Variants in DUSP29 observed in about 807,000 individuals in gnomAD.
The protein encoded by DUSP29 is atypical dual-specific protein phosphatase.
In DUSP29, 12 loss-of-function variants were observed where a neutral mutation model predicts 13.5. That is an observed-to-expected ratio of 0.89 (90% CI 0.57 to 1.44). The LOEUF (loss-of-function observed/expected upper bound fraction) is 1.44, where lower values mean the gene tolerates loss of function less well. Ranked by LOEUF, DUSP29 falls within the 40% of genes most tolerant of loss-of-function variation. DUSP29 has a pLI of 0.00. For synonymous variants in DUSP29, 134 were observed against 128.7 expected, an observed-to-expected ratio of 1.04 and a Z score of -0.28; for missense variants, 308 against 301.1, an observed-to-expected ratio of 1.02 and a Z score of -0.17.
chr10:75,060,866 A>C (rs946504350), intron 1 of DUSP29, among the ~76,000 whole-genome samples: 3 of 152,220 alleles, frequency 2.0e-5, no homozygotes, highest in Non-Finnish European at 4.4e-5. Context: ...GTTACGTTAT[A>C]CCACAGGGCC....
chr10:75,066,751 T>C (rs1269337795), intron 1 of DUSP29, among the ~76,000 whole-genome samples: 1 of 151,880 alleles, frequency 6.6e-6, no homozygotes, highest in East Asian at 1.9e-4. Context: ...TCCTTACATC[T>C]CTCCAGTGGC....
intron 2 of DUSP29, among the ~76,000 whole-genome samples, chr10:75,050,760 T>C (rs1161485073): frequency 6.6e-6 from 1 of 152,192 alleles, no homozygotes; most frequent in Non-Finnish European, 1.5e-5. Context: ...GGGGAGTGGG[T>C]GGCTACACCT....
chr10:75,072,432 C>T (rs981903465), intron 1 of DUSP29, among the ~76,000 whole-genome samples: 1 of 152,126 alleles, frequency 6.6e-6, no homozygotes, highest in African/African-American at 2.4e-5. Flanking sequence ...ACAAAGGAAC[C>T]TTTCCTGTTT....
At chr10:75,049,832 G>A (rs1846789502) in intron 2 of DUSP29, among the ~76,000 whole-genome samples, 1 of 152,160 alleles carries the variant, frequency 6.6e-6, no homozygotes, top group African/African-American at 2.4e-5. Context: ...TTCTGAGGCT[G>A]TGGGTCTGGT....
chr10:75,072,099 T>C (rs954673462), intron 1 of DUSP29, among the ~76,000 whole-genome samples: 1 of 152,078 alleles, frequency 6.6e-6, no homozygotes, highest in Non-Finnish European at 1.5e-5. Flanking sequence ...CAATAAAACC[T>C]TGCACTCTTC....
chr10:75,073,614 G>A lies in DUSP29; in HGVS notation c.-80C>T, dbSNP rs974229426. Among the ~76,000 whole-genome samples, 2 of 152,202 alleles carry A rather than the reference G, an allele frequency of 1.3e-5. No individual in the cohort carries two copies. Among genetic ancestry groups the A allele is most frequent in the Non-Finnish European group, 2.9e-5 (2 of 68,034 alleles). On this transcript the variant is annotated 5_prime_UTR_variant, in exon 1 of 4. Coordinates refer to ENST00000338487, the MANE Select transcript of DUSP29 (RefSeq NM_001003892.3). ...CCGCGTCGGGAGGTTCTGGTCCGTGGGGCATGTAGCAGCCGCACGCCCAGC... is the reference window on the plus strand; with the variant it reads ...CCGCGTCGGGAGGTTCTGGTCCGTGAGGCATGTAGCAGCCGCACGCCCAGC...
chr10:75,042,539 G>A (rs1846608077), intron 3 of DUSP29, among the ~76,000 whole-genome samples: 1 of 152,228 alleles, frequency 6.6e-6, no homozygotes, highest in African/African-American at 2.4e-5. Context: ...CTCATAAAAG[G>A]AAGGCCTGGA....
chr10:75,072,314 A>G (rs963929538), intron 1 of DUSP29, among the ~76,000 whole-genome samples: 1 of 152,166 alleles, frequency 6.6e-6, no homozygotes, highest in Admixed American at 6.5e-5. Flanking sequence ...AGACACTGCC[A>G]TGGGGTCAGA....
intron 2 of DUSP29, among the ~76,000 whole-genome samples, chr10:75,048,346 C>G (rs557473163): frequency 8.0e-5 from 12 of 149,618 alleles, no homozygotes; most frequent in Non-Finnish European, 1.6e-4. Flanking sequence ...TTTTTGTAAC[C>G]TTTTTTTTAC....
intron 2 of DUSP29, among the ~76,000 whole-genome samples, chr10:75,045,154 C>G (rs546801905): frequency 6.6e-6 from 1 of 152,138 alleles, no homozygotes; most frequent in Non-Finnish European, 1.5e-5. Context: ...GTCAGGAGTT[C>G]GAGACCAGCC....
At chr10:75,062,666 C>T (rs1847116347) in intron 1 of DUSP29, among the ~76,000 whole-genome samples, 1 of 152,220 alleles carries the variant, frequency 6.6e-6, no homozygotes, top group Non-Finnish European at 1.5e-5. Context: ...GGCCTGTGTG[C>T]ACCCTCTCTG....
intron 2 of DUSP29, among the ~76,000 whole-genome samples, chr10:75,055,696 C>T (rs186116065): frequency 2.5e-3 from 378 of 152,210 alleles, no homozygotes; most frequent in African/African-American, 8.5e-3. Context: ...GTAAATATAA[C>T]AAAAGCTCTG....
At chr10:75,057,729 C>A (rs1331654068) in intron 2 of DUSP29, among the ~76,000 whole-genome samples, 1 of 151,968 alleles carries the variant, frequency 6.6e-6, no homozygotes, top group Non-Finnish European at 1.5e-5. Context: ...TGACAGTGAC[C>A]TAAATTTAGG....
At chr10:75,044,612 C>T (rs1846664929) in intron 2 of DUSP29, among the ~76,000 whole-genome samples, 1 of 152,164 alleles carries the variant, frequency 6.6e-6, no homozygotes, top group Non-Finnish European at 1.5e-5. Flanking sequence ...GCTTTTTGAG[C>T]CATCTGTTGT....
At chr10:75,068,995 G>C (rs1179729359) in intron 1 of DUSP29, among the ~76,000 whole-genome samples, 1 of 151,742 alleles carries the variant, frequency 6.6e-6, no homozygotes, top group African/African-American at 2.4e-5. Context: ...ATTCTGGCAA[G>C]TATGTTAACA....
At chr10:75,056,940 T>C (rs1846972954) in intron 2 of DUSP29, among the ~76,000 whole-genome samples, 1 of 152,186 alleles carries the variant, frequency 6.6e-6, no homozygotes, top group Admixed American at 6.5e-5. Context: ...TTCCTATGGC[T>C]AGACGATTAT....
At position 75,044,003 on chromosome 10, in the gene DUSP29, T is replaced by TC. The variant is rs1461247885; in HGVS notation, c.214dup (p.Asp72GlyfsTer4). 2.5e-6 allele frequency: 4 copies of TC among 1,610,038 alleles called. No homozygotes were observed. The highest frequency in any genetic ancestry group is 3.4e-6 in the Non-Finnish European group (4 of 1,178,856). ...CCCCGCCTTCTGCAGCCTATAGCGG[T>TC]CCAGCGCCGTCGCCCTGGGCGCAGG... On this transcript the variant is annotated frameshift_variant, in exon 3 of 4. Transcript: ENST00000338487. LOFTEE classifies it high-confidence loss of function.
At chr10:75,049,194 A>AAT (rs199901346) in intron 2 of DUSP29, among the ~76,000 whole-genome samples, 167 of 143,234 alleles carry the variant, frequency 1.2e-3, no homozygotes, top group African/African-American at 4.1e-3. Context: ...TTACTATGTA[A>AAT]ATATAGCATG....
chr10:75,070,123 AAGGAAGGAAGG>A (rs1847299451), intron 1 of DUSP29, among the ~76,000 whole-genome samples: 1 of 108,280 alleles, frequency 9.2e-6, no homozygotes, highest in Admixed American at 9.4e-5. Flanking sequence ...GGAAGGAAGG[AAGGAAGGAAGG>A]AAGGAAAAGA....
Sources: allele counts gnomAD v4.1 joint callset (sites outside exome capture counted in the v4.1 genomes callset), GRCh38; gene constraint gnomAD v4.1.1; transcripts MANE v1.5; gene names NCBI Gene and HGNC (gene_info 2026-07-23, HGNC 2026-07-21).